The following ZFAND3 variants were observed in gnomAD, a reference collection of about 807,000 sequenced individuals.
ZFAND3 encodes AN1-type zinc finger protein 3.
In ZFAND3, 10 loss-of-function variants were observed where a neutral mutation model predicts 29.6. The ratio of observed to expected loss-of-function variants is 0.34; its 90% confidence interval spans 0.21 to 0.57. ZFAND3 has a LOEUF of 0.57. ZFAND3 is among the 20% of genes least tolerant of loss of function. The pLI is 0.86. For missense variants in ZFAND3, 230 were observed against 304.5 expected (o/e 0.76, Z 1.82); for synonymous variants, 128 against 112.6 (o/e 1.14, Z -0.87).
chr6:38,010,626 A>C (rs2127443457), intron 2 of ZFAND3, among the ~76,000 whole-genome samples: 1 of 138,168 alleles, frequency 7.2e-6, no homozygotes, highest in Non-Finnish European at 1.5e-5. Context: ...CCGAGACAGG[A>C]TCTTGCTCTG....
At chr6:37,959,698 G>A (rs1464080212) in intron 2 of ZFAND3, among the ~76,000 whole-genome samples, 1 of 152,164 alleles carries the variant, frequency 6.6e-6, no homozygotes, top group Admixed American at 6.5e-5. Context: ...ATATGGACAA[G>A]CATTTTCTGG....
intron 2 of ZFAND3, among the ~76,000 whole-genome samples, chr6:38,041,789 T>C (rs1246743192): frequency 5.6e-4 from 1 of 1,770 alleles, no homozygotes; most frequent in African/African-American, 6.6e-4. Context: ...TCCTCTTCTT[T>C]CTTCTTCTTC....
intron 2 of ZFAND3, among the ~76,000 whole-genome samples, chr6:38,004,534 T>TACACACACACACACACACAC (rs56068930): frequency 4.7e-5 from 7 of 147,454 alleles, no homozygotes; most frequent in African/African-American, 1.8e-4. Flanking sequence ...TAAAGCTGTC[T>TACACACACACACACACACAC]ACACACACAC....
chr6:38,099,301 A>T (rs903708488), intron 4 of ZFAND3, among the ~76,000 whole-genome samples: 1 of 152,220 alleles, frequency 6.6e-6, no homozygotes, highest in African/African-American at 2.4e-5. Context: ...GGGGGACTTA[A>T]TATTGTGATT....
intron 3 of ZFAND3, among the ~76,000 whole-genome samples, chr6:38,066,785 A>G (rs1463089524): frequency 6.6e-6 from 1 of 152,224 alleles, no homozygotes; most frequent in Non-Finnish European, 1.5e-5. Flanking sequence ...ACTATTGACA[A>G]AAGTATGTAA....
At chr6:37,844,581 A>G (rs933666449) in intron 1 of ZFAND3, among the ~76,000 whole-genome samples, 89 of 151,982 alleles carry the variant, frequency 5.9e-4, no homozygotes, top group African/African-American at 2.0e-3. Context: ...GCGCCCGGCC[A>G]GTTTTTTTCT....
chr6:37,940,039 C>T (rs757037562), intron 2 of ZFAND3, among the ~76,000 whole-genome samples: 16 of 152,026 alleles, frequency 1.1e-4, no homozygotes, highest in Admixed American at 9.8e-4. Context: ...GGCTCTGTCT[C>T]GGGGTGGGGA....
At chr6:37,993,228 T>C (rs942962182) in intron 2 of ZFAND3, among the ~76,000 whole-genome samples, 1 of 152,220 alleles carries the variant, frequency 6.6e-6, no homozygotes, top group African/African-American at 2.4e-5. Flanking sequence ...ATTTTGTTTT[T>C]GTCTCCTTTA....
intron 2 of ZFAND3, among the ~76,000 whole-genome samples, chr6:37,974,765 T>C (rs957753704): frequency 6.6e-6 from 1 of 152,194 alleles, no homozygotes; most frequent in African/African-American, 2.4e-5. Context: ...TTGTTGTCTA[T>C]ATCAATAGTT....
chr6:38,032,879 A>G (rs766727011), intron 2 of ZFAND3, among the ~76,000 whole-genome samples: 8 of 152,246 alleles, frequency 5.3e-5, no homozygotes, highest in Non-Finnish European at 7.3e-5. Context: ...ATTCAAATCT[A>G]GGAACTAAAA....
chr6:38,099,320 G>A (rs1052399591), intron 4 of ZFAND3, among the ~76,000 whole-genome samples: 2 of 152,150 alleles, frequency 1.3e-5, no homozygotes, highest in African/African-American at 4.8e-5. Context: ...TTAGTTATCT[G>A]AACAGCCAAG....
rs118123405 is a variant in ZFAND3 at position 38,080,576 on chromosome 6, G to T, written c.296-1816G>T. Among the ~76,000 whole-genome samples the T allele has an allele frequency of 5.5e-3, 838 of 151,912 alleles. 7 individuals carry two copies. The highest frequency in any genetic ancestry group is 7.9e-3 in the Non-Finnish European group (537 of 67,922). On this transcript the variant is annotated intron_variant, in intron 3 of 5. Transcript: ENST00000287218. The stretch of plus-strand genomic sequence containing the variant: ...GCAGTTTTACTATTTCCATTTTTTT[G>T]TTTGTTTTGTTAAAGAAACCGAGGA...
intron 1 of ZFAND3, among the ~76,000 whole-genome samples, chr6:37,921,717 A>G (rs1761382701): frequency 6.6e-6 from 1 of 152,142 alleles, no homozygotes; most frequent in African/African-American, 2.4e-5. Flanking sequence ...ATTTAACAAC[A>G]TAATCATTTC....
At chr6:38,062,023 C>T (rs1351398428) in intron 3 of ZFAND3, among the ~76,000 whole-genome samples, 1 of 152,208 alleles carries the variant, frequency 6.6e-6, no homozygotes, top group Non-Finnish European at 1.5e-5. Flanking sequence ...CCTATGTCTG[C>T]ACATTAGAAT....
At chr6:37,913,899 A>G (rs1761179218) in intron 1 of ZFAND3, among the ~76,000 whole-genome samples, 1 of 150,638 alleles carries the variant, frequency 6.6e-6, no homozygotes, top group South Asian at 2.1e-4. Flanking sequence ...TTATTTTTTC[A>G]TTTTTAGTAG....
In ZFAND3 at chr6:37,866,769, T is replaced by G. The variant is rs550269863; in HGVS notation, c.71+46753T>G. On this transcript the variant is annotated intron_variant, in intron 1 of 5. Transcript: ENST00000287218. ...GTCACTTAAAGAAAAGAGGTTCTTA[T>G]TTTTACTTCAATCACTGTAAATGTC... Among the ~76,000 whole-genome samples the G allele has an allele frequency of 1.2e-3, 186 of 152,344 alleles. 1 individual carries two copies. The highest frequency in any genetic ancestry group is 1.6e-3 in the African/African-American group (65 of 41,580).
chr6:38,043,190 C>A (rs1273738408), intron 2 of ZFAND3, among the ~76,000 whole-genome samples: 1 of 152,030 alleles, frequency 6.6e-6, no homozygotes, highest in African/African-American at 2.4e-5. Context: ...TCTCTCATCT[C>A]GTCTTGTCTT....
intron 2 of ZFAND3, among the ~76,000 whole-genome samples, chr6:38,034,478 TA>T (rs1210820032): frequency 6.6e-6 from 1 of 152,140 alleles, no homozygotes; most frequent in Admixed American, 6.5e-5. Flanking sequence ...AAGGAGCATC[TA>T]AGAAAGAACT....
At chr6:38,144,351 G>T (rs565683889) in intron 5 of ZFAND3, among the ~76,000 whole-genome samples, 1 of 151,982 alleles carries the variant, frequency 6.6e-6, no homozygotes, top group Admixed American at 6.5e-5. Context: ...TACCACTTGA[G>T]ATTAATGAGT....
Sources: gnomAD v4.1 joint callset for allele counts (sites outside exome capture counted in the v4.1 genomes callset) on GRCh38, gnomAD v4.1.1 for gene constraint, MANE v1.5 for transcripts, NCBI Gene and HGNC (gene_info 2026-07-23, HGNC 2026-07-21) for gene names.